The following PLAC1 variants were observed in gnomAD, a reference collection of about 807,000 sequenced individuals.
The protein encoded by PLAC1 is placenta associated 1, also known as placenta-specific protein 1.
For missense variants in PLAC1, 136 were observed against 163.2 expected, an observed-to-expected ratio of 0.83 and a Z score of 0.91; for synonymous variants, 68 against 62.1, an observed-to-expected ratio of 1.09 and a Z score of -0.44.
At chrX:134,700,572 T>C (rs2078579531) in intron 2 of PLAC1, among the ~76,000 whole-genome samples, 1 of 112,006 alleles carries the variant, frequency 8.9e-6, no homozygotes, top group South Asian at 3.7e-4. Context: ...CTCCTGAAAC[T>C]GATAAAAGAC....
Position 134,621,582 on chromosome X carries a change from T to A in PLAC1, c.-130-19460A>T, listed in dbSNP as rs139556283. Reference sequence around the variant, plus strand: ...CTCTTGGACTTGAATCCTCAATGACTGAACTGTTTGAGTTGTATATGGCTT... The same window carrying A: ...CTCTTGGACTTGAATCCTCAATGACAGAACTGTTTGAGTTGTATATGGCTT... On this transcript the variant is annotated intron_variant, in intron 1 of 2. Coordinates refer to ENST00000359237, the MANE Select transcript of PLAC1 (RefSeq NM_021796.4). 3.4e-3 allele frequency among the ~76,000 whole-genome samples: 381 copies of A among 111,273 alleles called. 1 individual carries two copies. Among genetic ancestry groups the A allele is most frequent in the African/African-American group, 0.012 (360 of 30,614 alleles).
At chrX:134,641,262 AAAG>A (rs993762913) in intron 1 of PLAC1, among the ~76,000 whole-genome samples, 7 of 111,045 alleles carry the variant, frequency 6.3e-5, no homozygotes, top group Admixed American at 2.9e-4. Context: ...CTACAAAAAA[AAAG>A]AAGAAGAAGA....
intron 2 of PLAC1, among the ~76,000 whole-genome samples, chrX:134,670,673 T>A (rs2078452567): frequency 8.9e-6 from 1 of 111,966 alleles, no homozygotes; most frequent in South Asian, 3.8e-4. Flanking sequence ...CATTTTGTTG[T>A]CCCATGAATG....
At chrX:134,723,011 GTC>G (rs1569411206) in intron 2 of PLAC1, among the ~76,000 whole-genome samples, 1 of 108,771 alleles carries the variant, frequency 9.2e-6, no homozygotes, top group Non-Finnish European at 1.9e-5. Flanking sequence ...TCTGAATACT[GTC>G]TCTTTCTAGC....
chrX:134,581,332 G>T (rs1450851881), intron 2 of PLAC1, among the ~76,000 whole-genome samples: 1 of 110,626 alleles, frequency 9.0e-6, no homozygotes, highest in African/African-American at 3.3e-5. Context: ...ACTGGAAAAA[G>T]GGTGGGGGGC....
upstream of PLAC1, among the ~76,000 whole-genome samples, chrX:134,659,525 A>C (rs754320988): frequency 1.2e-3 from 133 of 111,004 alleles, no homozygotes; most frequent in Non-Finnish European, 2.3e-3. Context: ...GTGCTGGCCC[A>C]TAAGTGGGGA....
At chrX:134,613,106 G>A (rs1338811617) in intron 1 of PLAC1, among the ~76,000 whole-genome samples, 1 of 110,736 alleles carries the variant, frequency 9.0e-6, no homozygotes, top group Non-Finnish European at 1.9e-5. Context: ...GATCACTTGA[G>A]CCTGGGAGTT....
At chrX:134,584,727 G>GT (rs1387088415) in intron 2 of PLAC1, among the ~76,000 whole-genome samples, 1 of 111,599 alleles carries the variant, frequency 9.0e-6, no homozygotes, top group Admixed American at 9.5e-5. Context: ...TTTCCTGGGT[G>GT]TTAAATATTT....
intron 2 of PLAC1, among the ~76,000 whole-genome samples, chrX:134,574,923 G>T (rs2077929488): frequency 9.0e-6 from 1 of 111,670 alleles, no homozygotes; most frequent in Non-Finnish European, 1.9e-5. Context: ...GATTCCCTTA[G>T]CTAGAAAAAG....
upstream of PLAC1, among the ~76,000 whole-genome samples, chrX:134,659,774 A>G (rs1339206127): frequency 1.8e-5 from 2 of 112,312 alleles, no homozygotes; most frequent in African/African-American, 6.5e-5. Flanking sequence ...AAAAACTGCA[A>G]TCATTTTCCA....
chrX:134,612,108 A>G (rs1175574585), intron 1 of PLAC1, among the ~76,000 whole-genome samples: 1 of 112,302 alleles, frequency 8.9e-6, no homozygotes, highest in East Asian at 2.8e-4. Context: ...ACCACACCTG[A>G]TTTCATTAGA....
intron 1 of PLAC1, among the ~76,000 whole-genome samples, chrX:134,603,270 TA>T (rs1569384270): frequency 0.056 from 126 of 2,249 alleles, 3 homozygotes; most frequent in African/African-American, 0.17. Context: ...CTCTGTATTT[TA>T]TATATATATA....
At chrX:134,581,668 G>A (rs1261508011) in intron 2 of PLAC1, among the ~76,000 whole-genome samples, 8 of 109,271 alleles carry the variant, frequency 7.3e-5, no homozygotes, top group African/African-American at 1.0e-4. Flanking sequence ...TACTAAAGAC[G>A]GAGTTTCACC....
At chrX:134,592,640 T>C (rs1385597716) in intron 2 of PLAC1, among the ~76,000 whole-genome samples, 8 of 110,694 alleles carry the variant, frequency 7.2e-5, no homozygotes, top group Non-Finnish European at 1.3e-4. Context: ...CCTGCAAATT[T>C]TGGACTTGCC....
At chrX:134,652,345 T>C (rs1402849736) in intron 1 of PLAC1, among the ~76,000 whole-genome samples, 1 of 111,954 alleles carries the variant, frequency 8.9e-6, no homozygotes. Context: ...ACGGACATTT[T>C]GGGGTCCTTC....
chrX:134,720,417 A>G (rs761221393), intron 2 of PLAC1, among the ~76,000 whole-genome samples: 35 of 109,940 alleles, frequency 3.2e-4, no homozygotes, highest in Non-Finnish European at 4.2e-4. Flanking sequence ...TACTCCCCCA[A>G]TTGTTCTACG....
intron 2 of PLAC1, among the ~76,000 whole-genome samples, chrX:134,583,284 G>A (rs966747650): frequency 9.2e-6 from 1 of 108,607 alleles, no homozygotes; most frequent in Non-Finnish European, 1.9e-5. Flanking sequence ...TAGAGACAGG[G>A]TCTTGATATG....
chrX:134,576,788 C>G (rs767037167), intron 2 of PLAC1, among the ~76,000 whole-genome samples: 3 of 110,942 alleles, frequency 2.7e-5, no homozygotes, highest in Non-Finnish European at 5.7e-5. Context: ...GTGCATCACT[C>G]CAATGATGTG....
intron 2 of PLAC1, among the ~76,000 whole-genome samples, chrX:134,682,891 A>G (rs1456157357): frequency 9.0e-6 from 1 of 111,572 alleles, no homozygotes; most frequent in African/African-American, 3.3e-5. Flanking sequence ...TCAGCTAATC[A>G]GATGGCCTAG....
Sources: gnomAD v4.1 joint callset for allele counts (sites outside exome capture counted in the v4.1 genomes callset) on GRCh38, gnomAD v4.1.1 for gene constraint, MANE v1.5 for transcripts, NCBI Gene and HGNC (gene_info 2026-07-23, HGNC 2026-07-21) for gene names.